The following BICRA variants were observed in gnomAD, a reference collection of about 807,000 sequenced individuals.
BICRA encodes the protein BRD4 interacting chromatin remodeling complex associated protein, also known as BRD4-interacting chromatin-remodeling complex-associated protein.
In BICRA, 31 loss-of-function variants were observed where a neutral mutation model predicts 96.9. The ratio of observed to expected loss-of-function variants is 0.32; its 90% CI spans 0.24 to 0.43. The LOEUF (loss-of-function observed/expected upper bound fraction) is 0.43, where lower values mean the gene tolerates loss of function less well. Among genes scored for constraint, BICRA ranks in the 20% least tolerant of loss-of-function variants. The pLI is 1.00. For missense variants in BICRA, 2,283 were observed against 2,190.3 expected, an observed-to-expected ratio of 1.04 and a Z score of -0.84; for synonymous variants, 1,350 against 1,071.8, an observed-to-expected ratio of 1.26 and a Z score of -5.07.
chr19:47,637,787 C>T (rs886844704), intron 1 of BICRA, among the ~76,000 whole-genome samples: 2 of 152,148 alleles, frequency 1.3e-5, no homozygotes, highest in Admixed American at 6.6e-5. Context: ...TAAACATGAT[C>T]GTACACTAGC....
intron 1 of BICRA, among the ~76,000 whole-genome samples, chr19:47,629,204 C>A (rs182752689): frequency 1.3e-5 from 2 of 151,642 alleles, no homozygotes; most frequent in Non-Finnish European, 2.9e-5. Context: ...GGGGTTTCAC[C>A]GTGTTAGCCA....
At chr19:47,673,513 A>C in intron 2 of BICRA, 57 bp from the exon 3 acceptor site, 1 of 1,436,038 alleles carries the variant, frequency 7.0e-7, no homozygotes, top group Non-Finnish European at 9.8e-7. Context: ...GGGCCAGGCA[A>C]GCTGCCAAAA....
intron 1 of BICRA, among the ~76,000 whole-genome samples, chr19:47,648,880 C>G (rs1281900692): frequency 1.4e-5 from 2 of 147,432 alleles, no homozygotes; most frequent in Non-Finnish European, 3.0e-5. Context: ...GAGGCGGAGT[C>G]TCACTTTGTT....
In BICRA at chr19:47,630,868, C is replaced by G. The variant is rs548673255; in HGVS notation, c.-108+21700C>G. 6.6e-5 allele frequency among the ~76,000 whole-genome samples: 10 copies of G among 152,272 alleles called. No individual in the cohort carries two copies. In the South Asian group the frequency reaches 1.4e-3, roughly 22 times the overall value. ...ATTTCACATTTCCACCTGCAGTGCA[C>G]GTGGTTCCAGTTTCTCCACATCCTT... is the stretch of plus-strand genomic sequence containing the variant. On this transcript the variant is annotated intron_variant, in intron 1 of 14. Transcript: ENST00000594866.
chr19:47,667,266 TG>T (rs1329886411), intron 1 of BICRA, among the ~76,000 whole-genome samples: 1 of 152,128 alleles, frequency 6.6e-6, no homozygotes, highest in Non-Finnish European at 1.5e-5. Flanking sequence ...CCGCCCGCCT[TG>T]GCCTCCCAAA....
chr19:47,634,870 C>T (rs1348293843), intron 1 of BICRA, among the ~76,000 whole-genome samples: 1 of 146,428 alleles, frequency 6.8e-6, no homozygotes, highest in East Asian at 2.0e-4. Flanking sequence ...TTACGCCATT[C>T]TCCTCCCTCA....
intron 7 of BICRA, among the ~76,000 whole-genome samples, chr19:47,685,083 C>T (rs775101849): frequency 1.6e-4 from 24 of 152,164 alleles, no homozygotes; most frequent in Admixed American, 3.9e-4. Flanking sequence ...GATCCTCCCA[C>T]CTCAGCCTCC....
At chr19:47,686,120 A>C (rs966794995) in intron 7 of BICRA, among the ~76,000 whole-genome samples, 4 of 151,872 alleles carry the variant, frequency 2.6e-5, no homozygotes, top group African/African-American at 9.7e-5. Context: ...TAGTAGAGAC[A>C]GGTTTTCTCC....
intron 7 of BICRA, among the ~76,000 whole-genome samples, chr19:47,685,509 GC>G (rs1355123404): frequency 6.6e-6 from 1 of 152,212 alleles, no homozygotes; most frequent in Non-Finnish European, 1.5e-5. Flanking sequence ...CGGATGGATG[GC>G]ATGGGTGGGT....
chr19:47,664,788 T>C (rs563998530), intron 1 of BICRA, among the ~76,000 whole-genome samples: 1 of 152,314 alleles, frequency 6.6e-6, no homozygotes, highest in African/African-American at 2.4e-5. Context: ...TCTGGCCACA[T>C]GTCCGCCCTG....
rs554981772 is a variant in BICRA, at chr19:47,675,416, G to C, written c.85-435G>C. On this transcript the variant is annotated intron_variant, in intron 4 of 14. Coordinates refer to ENST00000594866, the MANE Select transcript of BICRA (RefSeq NM_001394372.1). This position sits in a 1 kb window ranked among gnomAD's most constrained non-coding sequence, Gnocchi z 4.7. ...GAGATGGCACCGCATGGCTTGTCAG[G>C]TGCCCGGATGGTAGGTGTGCCAGGC... Among the ~76,000 whole-genome samples the C allele has an allele frequency of 3.5e-4, 53 of 152,312 alleles. No homozygotes were observed. Among genetic ancestry groups the C allele is most frequent in the Admixed American group, 9.2e-4 (14 of 15,294 alleles).
chr19:47,620,069 G>A (rs1394733862), intron 1 of BICRA, among the ~76,000 whole-genome samples: 1 of 152,146 alleles, frequency 6.6e-6, no homozygotes, highest in African/African-American at 2.4e-5. Context: ...GTTGGGTTGA[G>A]CATCTTCGGC....
In BICRA at chr19:47,695,039, C is replaced by T. The variant is rs1269665169; in HGVS notation, c.3035C>T (p.Ala1012Val). The change falls in exon 9 of 15, where the codon GCC (alanine) becomes GTC (valine). Residue 1012 changes from alanine to valine, a missense_variant. Ala to Val is a moderately conservative substitution (Grantham distance 64). Transcript: ENST00000594866. ...SGQAPSGTPT[A>V]PSHAPAPAPM... is the part of the protein sequence containing the mutation. Reference sequence around the variant, plus strand: ...CAGGCCCCATCTGGGACCCCCACTGCCCCCAGCCACGCCCCCGCCCCGGCA... The same window carrying T: ...CAGGCCCCATCTGGGACCCCCACTGTCCCCAGCCACGCCCCCGCCCCGGCA... 8 of 1,498,642 alleles carry T rather than the reference C, an allele frequency of 5.3e-6. No homozygotes were observed. Among genetic ancestry groups the T allele is most frequent in the Non-Finnish European group, 7.1e-6 (8 of 1,133,518 alleles). 92.8% of individuals were successfully genotyped at this position (1,498,642 alleles called of 1,614,324 possible).
chr19:47,668,244 G>A (rs889927378), intron 1 of BICRA, among the ~76,000 whole-genome samples: 1 of 152,100 alleles, frequency 6.6e-6, no homozygotes, highest in Non-Finnish European at 1.5e-5. Context: ...GTTTATCATT[G>A]TCATAGTCGG....
intron 1 of BICRA, among the ~76,000 whole-genome samples, chr19:47,646,758 C>CT (rs1972465609): frequency 6.6e-6 from 1 of 152,098 alleles, no homozygotes; most frequent in Non-Finnish European, 1.5e-5. Flanking sequence ...AAGTAACACT[C>CT]TCACACACAG....
At chr19:47,666,202 G>T (rs1430247389) in intron 1 of BICRA, among the ~76,000 whole-genome samples, 1 of 152,220 alleles carries the variant, frequency 6.6e-6, no homozygotes, top group Non-Finnish European at 1.5e-5. Context: ...GGGAGCCTCA[G>T]AATCAGTCAA....
In BICRA at chr19:47,673,702, CTT is replaced by C. The variant is rs889815178; in HGVS notation, c.42-17_42-16del. Reference sequence around the variant, plus strand: ...CCAGCTCCTTACCTCCTCAGCGTCTCTTCCTCTTCTCTTCCAGTGACCCACAG... The same window carrying C: ...CCAGCTCCTTACCTCCTCAGCGTCTCCCTCTTCTCTTCCAGTGACCCACAG... On this transcript the variant is annotated splice_polypyrimidine_tract_variant and intron_variant, in intron 3 of 14. Transcript: ENST00000594866. The C allele has an allele frequency of 1.2e-6, 2 of 1,607,418 alleles. No individual in the cohort carries two copies. The highest frequency in any genetic ancestry group is 1.7e-6 in the Non-Finnish European group (2 of 1,175,222).
intron 7 of BICRA, among the ~76,000 whole-genome samples, chr19:47,687,821 C>CCA (rs33926521): frequency 1.6e-5 from 2 of 123,582 alleles, no homozygotes; most frequent in African/African-American, 6.3e-5. Context: ...GACTCTGCCT[C>CCA]AAAAAAAAAA....
Position 47,679,969 on chromosome 19 carries a change from G to C in BICRA, c.799G>C (p.Ala267Pro). The change falls in exon 6 of 15, where the codon GCT (alanine) becomes CCT (proline). Residue 267 changes from alanine (A) to proline (P), a missense_variant. Coordinates refer to ENST00000594866, the MANE Select transcript of BICRA (RefSeq NM_001394372.1). The stretch of plus-strand genomic sequence containing the variant: ...CGTCAGCGGCTACCTGGCCTCGGCG[G>C]CTGGCCCCTCGGAGCCCGTGACGCT... ...VPVSGYLASAAGPSEPVTLAS... is the reference protein window; with the variant it reads ...VPVSGYLASAPGPSEPVTLAS... 6.7e-7 allele frequency: 1 copy of C among 1,486,050 alleles called. No individual in the cohort carries two copies. Among genetic ancestry groups the C allele is most frequent in the African/African-American group, 1.4e-5 (1 of 69,684 alleles). The allele number at this position is 1,486,050 out of a possible 1,614,324, so 92.1% of individuals were successfully genotyped here.
Sources: allele counts gnomAD v4.1 joint callset (sites outside exome capture counted in the v4.1 genomes callset), GRCh38; gene constraint gnomAD v4.1.1; non-coding constraint Gnocchi (gnomAD v3.1); transcripts MANE v1.5; gene names NCBI Gene and HGNC (gene_info 2026-07-23, HGNC 2026-07-21).